CNTN1: variants seen among roughly 807,000 people sequenced by gnomAD.
The protein encoded by CNTN1 is contactin 1, also known as contactin-1.
In CNTN1, 38 loss-of-function variants were observed where a neutral mutation model predicts 126.4. The ratio of observed to expected loss-of-function variants is 0.30; its 90% CI spans 0.23 to 0.39. The LOEUF is 0.39. Ranked by LOEUF, CNTN1 falls within the 10% of genes least tolerant of loss-of-function variation. The pLI, the probability that CNTN1 is intolerant of heterozygous loss-of-function variation, is 1.00. For synonymous variants in CNTN1, 413 were observed against 422.6 expected, an observed-to-expected ratio of 0.98 and a Z score of 0.28; for missense variants, 1,009 against 1,248.4, an observed-to-expected ratio of 0.81 and a Z score of 2.89.
chr12:40,944,730 TA>T (rs1171203127), intron 14 of CNTN1, among the ~76,000 whole-genome samples: 18 of 151,846 alleles, frequency 1.2e-4, no homozygotes, highest in Non-Finnish European at 1.6e-4. Context: ...TAGAAAGAAA[TA>T]AAATAGAGGG....
At chr12:40,917,187 T>C (rs185197751) in intron 3 of CNTN1, among the ~76,000 whole-genome samples, 46 of 152,092 alleles carry the variant, frequency 3.0e-4, no homozygotes, top group Admixed American at 3.0e-3. Flanking sequence ...AACTTGGCTT[T>C]TGGTTTTTAG....
intron 1 of CNTN1, among the ~76,000 whole-genome samples, chr12:40,697,476 C>T (rs997114705): frequency 1.3e-5 from 2 of 152,104 alleles, no homozygotes; most frequent in Non-Finnish European, 2.9e-5. Flanking sequence ...AGGTATACTG[C>T]AAAAATTGTC....
chr12:40,772,521 A>T (rs954450328), intron 1 of CNTN1, among the ~76,000 whole-genome samples: 2 of 152,022 alleles, frequency 1.3e-5, no homozygotes, highest in Non-Finnish European at 2.9e-5. Flanking sequence ...AGTTTGAAAG[A>T]TTAACTTTAT....
At chr12:40,968,774 G>C (rs1439736935) in intron 15 of CNTN1, among the ~76,000 whole-genome samples, 1 of 152,136 alleles carries the variant, frequency 6.6e-6, no homozygotes, top group Non-Finnish European at 1.5e-5. Context: ...TATAAAGCCA[G>C]AATGTGGCCA....
chr12:41,007,045 GTTTTTTTTTTTTTTTTTT>G lies in CNTN1; in HGVS notation c.2114-7168_2114-7151del, dbSNP rs71078294. 6.9e-3 allele frequency among the ~76,000 whole-genome samples: 479 copies of G among 69,292 alleles called. 6 individuals carry two copies. The highest frequency in any genetic ancestry group is 0.011 in the South Asian group (16 of 1,502). 45.5% of individuals were successfully genotyped at this position (69,292 alleles called of 152,430 possible). Reference sequence around the variant, plus strand: ...TGGCAGTTAAAAGCAGTTTTGTGTGGTTTTTTTTTTTTTTTTTTTTTTTTTTTTTTTTGAGACGGAGTC... The same window carrying G: ...TGGCAGTTAAAAGCAGTTTTGTGTGGTTTTTTTTTTTTTTGAGACGGAGTC... On this transcript the variant is annotated intron_variant, in intron 17 of 23. Coordinates refer to ENST00000551295, the MANE Select transcript of CNTN1 (RefSeq NM_001843.4).
At position 40,906,669 on chromosome 12, in the gene CNTN1, C is replaced by CTTTTTTTTTTTTTTTTTTTT. The variant is rs111442544; in HGVS notation, c.-76-1679_-76-1678insTTTTTTTTTTTTTTTTTTTT. On this transcript the variant is annotated intron_variant, in intron 1 of 23. Coordinates refer to ENST00000551295, the MANE Select transcript of CNTN1 (RefSeq NM_001843.4). Reference sequence around the variant, plus strand: ...TTTCCTTTTAAAATTGTTTTTCATGCTTTTTTTTTGTTTTGTTTTTTTTGA... The same window carrying CTTTTTTTTTTTTTTTTTTTT: ...TTTCCTTTTAAAATTGTTTTTCATGCTTTTTTTTTTTTTTTTTTTTTTTTTTTTTGTTTTGTTTTTTTTGA... 1.2e-4 allele frequency among the ~76,000 whole-genome samples: 13 copies of CTTTTTTTTTTTTTTTTTTTT among 107,228 alleles called. 2 individuals carry two copies. Among genetic ancestry groups the CTTTTTTTTTTTTTTTTTTTT allele is most frequent in the South Asian group, 5.6e-4 (2 of 3,552 alleles). 70.3% of individuals were successfully genotyped at this position (107,228 alleles called of 152,430 possible).
chr12:40,897,969 C>T lies in CNTN1; in HGVS notation c.-76-10388C>T, dbSNP rs115382208. ...CACTTCTCTTTCTCAAATATTTTCACGAGTATATGCCCTAGCCATGCTTAT... is the reference window on the plus strand; with the variant it reads ...CACTTCTCTTTCTCAAATATTTTCATGAGTATATGCCCTAGCCATGCTTAT... On this transcript the variant is annotated intron_variant, in intron 1 of 23. Coordinates refer to ENST00000551295, the MANE Select transcript of CNTN1 (RefSeq NM_001843.4). Among the ~76,000 whole-genome samples the T allele has an allele frequency of 2.0e-3, 308 of 152,298 alleles. 4 individuals are homozygous for T. Among genetic ancestry groups the T allele is most frequent in the African/African-American group, 5.8e-3 (240 of 41,566 alleles).
At chr12:40,936,951 C>G (rs754457079) in intron 10 of CNTN1, 46 bp downstream of exon 10, 2 of 1,608,778 alleles carry the variant, frequency 1.2e-6, no homozygotes, top group African/African-American at 1.3e-5. Context: ...CCTGTTCAAG[C>G]AGTGTTTCAG....
chr12:40,962,918 G>C (rs1402212020), intron 15 of CNTN1, among the ~76,000 whole-genome samples: 3 of 152,030 alleles, frequency 2.0e-5, no homozygotes, highest in Non-Finnish European at 4.4e-5. Context: ...CTATAGTATA[G>C]AGATTATTTT....
At chr12:40,890,932 C>A (rs941870479) in intron 1 of CNTN1, among the ~76,000 whole-genome samples, 4 of 152,130 alleles carry the variant, frequency 2.6e-5, no homozygotes, top group Non-Finnish European at 4.4e-5. Flanking sequence ...ACTGTCTTCC[C>A]AAGTGGCTGA....
intron 15 of CNTN1, among the ~76,000 whole-genome samples, chr12:40,963,762 A>G (rs1249545943): frequency 1.3e-5 from 2 of 152,084 alleles, no homozygotes; most frequent in Admixed American, 6.6e-5. Context: ...CTTAGGTCCC[A>G]TAAAAGTATA....
chr12:40,921,175 C>T (rs1051754720), intron 4 of CNTN1, among the ~76,000 whole-genome samples: 6 of 152,066 alleles, frequency 3.9e-5, no homozygotes, highest in Non-Finnish European at 8.8e-5. Context: ...TCCTATACTG[C>T]GAAAATTGTA....
At position 40,974,568 on chromosome 12, in the gene CNTN1, C is replaced by T. The variant is rs141495721; in HGVS notation, c.1805-6341C>T. On this transcript the variant is annotated intron_variant, in intron 15 of 23. Coordinates refer to ENST00000551295, the MANE Select transcript of CNTN1 (RefSeq NM_001843.4). ...TCTTCCCAAAAAGAAAAGTCAGCAA[C>T]GGAAACCTAATAACATTTTTGAATG... 1.0e-3 allele frequency among the ~76,000 whole-genome samples: 159 copies of T among 152,212 alleles called. 1 individual carries two copies. Among genetic ancestry groups the T allele is most frequent in the African/African-American group, 3.7e-3 (153 of 41,556 alleles).
At chr12:40,782,654 A>G (rs961415946) in intron 1 of CNTN1, among the ~76,000 whole-genome samples, 1 of 151,924 alleles carries the variant, frequency 6.6e-6, no homozygotes, top group African/African-American at 2.4e-5. Context: ...GGGTTACCCA[A>G]GTAGATGGAG....
At position 40,922,274 on chromosome 12, in the gene CNTN1, G is replaced by A. The variant is rs765121768; in HGVS notation, c.246G>A (p.Gly82=). The A allele has an allele frequency of 6.8e-6, 11 of 1,613,766 alleles. No homozygotes were observed. The highest frequency in any genetic ancestry group is 1.3e-5 in the African/African-American group (1 of 74,890). Reference sequence around the variant, plus strand: ...CTCATAGATGGAGAATGAATAATGGGGACGTTGATCTCACAAGTGATCGAT... The same window carrying A: ...CTCATAGATGGAGAATGAATAATGGAGACGTTGATCTCACAAGTGATCGAT... ...FPVYKWRMNN[G]DVDLTSDRYS... Residue 82 remains glycine, a synonymous_variant, in exon 5 of 24, where the codon GGG becomes GGA. Transcript: ENST00000551295.
chr12:40,976,248 G>C (rs901204411), intron 15 of CNTN1, among the ~76,000 whole-genome samples: 6 of 151,818 alleles, frequency 4.0e-5, no homozygotes, highest in African/African-American at 1.5e-4. Context: ...TACAGCCAAA[G>C]AAAGAAAAAA....
intron 23 of CNTN1, among the ~76,000 whole-genome samples, chr12:41,050,504 A>G (rs541024324): frequency 2.0e-5 from 3 of 152,122 alleles, no homozygotes; most frequent in Non-Finnish European, 4.4e-5. Flanking sequence ...CTCACTCACT[A>G]TCACAAGAAC....
At chr12:40,984,030 CAG>C (rs1947890224) in intron 16 of CNTN1, among the ~76,000 whole-genome samples, 1 of 148,148 alleles carries the variant, frequency 6.8e-6, no homozygotes, top group Non-Finnish European at 1.5e-5. Context: ...TACTCACACA[CAG>C]AGGATTAAAT....
At chr12:40,743,501 T>C (rs1199371816) in intron 1 of CNTN1, among the ~76,000 whole-genome samples, 5 of 152,128 alleles carry the variant, frequency 3.3e-5, no homozygotes, top group African/African-American at 1.2e-4. Flanking sequence ...CTAATACATA[T>C]GACTGGTGTA....
Sources: allele counts gnomAD v4.1 joint callset (sites outside exome capture counted in the v4.1 genomes callset), GRCh38; gene constraint gnomAD v4.1.1; transcripts MANE v1.5; gene names NCBI Gene and HGNC (gene_info 2026-07-23, HGNC 2026-07-21).